The following FSTL5 variants were observed in gnomAD, a reference collection of about 807,000 sequenced individuals.
FSTL5 encodes the protein follistatin-related protein 5.
In FSTL5, 62 loss-of-function variants were observed where a neutral mutation model predicts 89.1. The observed-to-expected ratio is 0.70, with a 90% confidence interval of 0.57 to 0.86. FSTL5 has a LOEUF of 0.86. Among genes scored for constraint, FSTL5 ranks in the 40% least tolerant of loss-of-function variants. The pLI is 0.00. For missense variants in FSTL5, 1,057 were observed against 1,001.6 expected (o/e 1.06, Z -0.75); for synonymous variants, 383 against 346.2 (o/e 1.11, Z -1.18).
intron 8 of FSTL5, among the ~76,000 whole-genome samples, chr4:161,578,814 A>G (rs1393677175): frequency 6.6e-6 from 1 of 152,098 alleles, no homozygotes; most frequent in African/African-American, 2.4e-5. Context: ...AGACAATAGA[A>G]CATCTATAAA....
intron 12 of FSTL5, among the ~76,000 whole-genome samples, chr4:161,499,153 G>A (rs542217059): frequency 6.6e-6 from 1 of 152,174 alleles, no homozygotes; most frequent in African/African-American, 2.4e-5. Flanking sequence ...AGTGAGCCGA[G>A]ATCACTCCAT....
chr4:162,017,873 C>A (rs529108367), intron 3 of FSTL5, among the ~76,000 whole-genome samples: 1 of 152,186 alleles, frequency 6.6e-6, no homozygotes, highest in South Asian at 2.1e-4. Context: ...CTCCTTTTAC[C>A]TTTCTTAGAT....
At chr4:161,629,466 C>T (rs1735426309) in intron 7 of FSTL5, among the ~76,000 whole-genome samples, 1 of 152,008 alleles carries the variant, frequency 6.6e-6, no homozygotes, top group African/African-American at 2.4e-5. Context: ...TCTCAGCCTC[C>T]CTGGTAGCTG....
intron 2 of FSTL5, among the ~76,000 whole-genome samples, chr4:162,093,993 A>G (rs1730652760): frequency 6.6e-6 from 1 of 152,190 alleles, no homozygotes; most frequent in Non-Finnish European, 1.5e-5. Context: ...GTTTCTAGGT[A>G]GACAAAATAA....
chr4:161,994,361 A>G (rs72693220), intron 3 of FSTL5, among the ~76,000 whole-genome samples: 23,861 of 151,984 alleles, frequency 0.16, 2,007 homozygotes, highest in East Asian at 0.21. Flanking sequence ...TCATGCATGT[A>G]TGGTAGAATG....
chr4:161,839,389 A>T (rs1162166621), intron 4 of FSTL5, among the ~76,000 whole-genome samples: 2 of 152,144 alleles, frequency 1.3e-5, no homozygotes, highest in African/African-American at 2.4e-5. Context: ...ATTATAAACC[A>T]CTTTTTTTGC....
chr4:161,689,425 C>G (rs1356731844), intron 6 of FSTL5, among the ~76,000 whole-genome samples: 2 of 152,006 alleles, frequency 1.3e-5, no homozygotes, highest in African/African-American at 2.4e-5. Context: ...ATAATAAATA[C>G]TTAACTTTAT....
At chr4:161,492,424 T>C (rs920845581) in intron 12 of FSTL5, among the ~76,000 whole-genome samples, 1 of 152,142 alleles carries the variant, frequency 6.6e-6, no homozygotes, top group Non-Finnish European at 1.5e-5. Flanking sequence ...ATAAATGTTA[T>C]GTATGTCTAT....
chr4:161,836,985 A>T (rs940017457), intron 4 of FSTL5, among the ~76,000 whole-genome samples: 41 of 152,134 alleles, frequency 2.7e-4, no homozygotes, highest in African/African-American at 9.7e-4. Flanking sequence ...AGTTTGAGAC[A>T]TCTATGTGCC....
At chr4:161,563,248 CTT>C (rs1289653611) in intron 8 of FSTL5, among the ~76,000 whole-genome samples, 1 of 151,966 alleles carries the variant, frequency 6.6e-6, no homozygotes, top group Non-Finnish European at 1.5e-5. Context: ...AAATAATACT[CTT>C]ATGAATATGG....
intron 8 of FSTL5, among the ~76,000 whole-genome samples, chr4:161,545,798 C>A (rs773676367): frequency 6.6e-6 from 1 of 151,912 alleles, no homozygotes; most frequent in Non-Finnish European, 1.5e-5. Context: ...TCTTAAAGAA[C>A]CTATTATCTT....
intron 4 of FSTL5, among the ~76,000 whole-genome samples, chr4:161,779,260 T>C (rs1579086052): frequency 1.3e-5 from 2 of 152,246 alleles, no homozygotes; most frequent in South Asian, 4.1e-4. Flanking sequence ...TTGCTGGAAA[T>C]CCAAATAAAA....
intron 1 of FSTL5, among the ~76,000 whole-genome samples, chr4:162,139,443 T>C (rs1732641291): frequency 6.8e-6 from 1 of 146,880 alleles, no homozygotes; most frequent in Admixed American, 6.7e-5. Context: ...CATGAAAGTA[T>C]ACACACACGC....
chr4:161,492,499 C>T (rs542175581), intron 12 of FSTL5, among the ~76,000 whole-genome samples: 1 of 152,202 alleles, frequency 6.6e-6, no homozygotes, highest in South Asian at 2.1e-4. Flanking sequence ...TATGTATTTA[C>T]ATGAAAACAG....
Position 161,528,831 on chromosome 4 carries a change from C to G in FSTL5, c.1312+9335G>C, listed in dbSNP as rs151106857. The stretch of plus-strand genomic sequence containing the variant: ...CTCAAAGAGAGTCCTAACATTTTCT[C>G]CTGAACACAAGAAATACAACGTTAG... On this transcript the variant is annotated intron_variant, in intron 10 of 15. Transcript: ENST00000306100. Among the ~76,000 whole-genome samples, 1,073 of 143,058 alleles carry G rather than the reference C, an allele frequency of 7.5e-3. 107 individuals carry two copies. Among genetic ancestry groups the G allele is most frequent in the African/African-American group, 0.025 (1,010 of 40,030 alleles). 93.9% of individuals were successfully genotyped at this position (143,058 alleles called of 152,430 possible).
chr4:161,468,876 C>T (rs754729046), intron 13 of FSTL5, among the ~76,000 whole-genome samples: 1 of 151,850 alleles, frequency 6.6e-6, no homozygotes, highest in Non-Finnish European at 1.5e-5. Flanking sequence ...CCAAAATTTC[C>T]AGATTTATCT....
intron 10 of FSTL5, among the ~76,000 whole-genome samples, chr4:161,517,077 T>C (rs1730869325): frequency 1.3e-5 from 2 of 152,150 alleles, no homozygotes; most frequent in Middle Eastern, 6.8e-3. Context: ...TTCATAGAGA[T>C]GGGGTTTCAC....
At chr4:161,977,639 A>AAAT (rs70937700) in intron 3 of FSTL5, among the ~76,000 whole-genome samples, 2,443 of 100,708 alleles carry the variant, frequency 0.024, 39 homozygotes, top group East Asian at 0.042. Context: ...AAAAAAAAAA[A>AAAT]AATAATAATA....
At chr4:161,980,214 A>AAGGAAAGAAGAAAGG (rs916671571) in intron 3 of FSTL5, among the ~76,000 whole-genome samples, 4 of 151,494 alleles carry the variant, frequency 2.6e-5, no homozygotes, top group Non-Finnish European at 5.9e-5. Flanking sequence ...AGAAAAAGGA[A>AAGGAAAGAAGAAAGG]AGGAAAGAAG....
Sources: gnomAD v4.1 joint callset for allele counts (sites outside exome capture counted in the v4.1 genomes callset) on GRCh38, gnomAD v4.1.1 for gene constraint, MANE v1.5 for transcripts, NCBI Gene and HGNC (gene_info 2026-07-23, HGNC 2026-07-21) for gene names.